The following SLC44A3 variants were observed in gnomAD, a reference collection of about 807,000 sequenced individuals.
SLC44A3 encodes the protein solute carrier family 44 member 3, also known as choline transporter-like protein 3.
A neutral mutation model predicts 75.4 loss-of-function variants in SLC44A3; 74 were observed. The ratio of observed to expected loss-of-function variants is 0.98; its 90% confidence interval spans 0.81 to 1.19. The LOEUF (loss-of-function observed/expected upper bound fraction) is 1.19. Among genes scored for constraint, SLC44A3 ranks in the 50% most tolerant of loss-of-function variants. The pLI, the probability that SLC44A3 is intolerant of heterozygous loss-of-function variation, is 0.00. For synonymous variants in SLC44A3, 310 were observed against 296.9 expected (o/e 1.04, Z -0.45); for missense variants, 700 against 778.6 (o/e 0.90, Z 1.20).
chr1:94,881,281 C>A (rs959241889), intron 12 of SLC44A3, among the ~76,000 whole-genome samples: 2 of 152,138 alleles, frequency 1.3e-5, no homozygotes, highest in African/African-American at 4.8e-5. Flanking sequence ...GGCACATGCA[C>A]CTGACTTGAA....
At chr1:94,867,873 T>C (rs1054095175) in intron 12 of SLC44A3, among the ~76,000 whole-genome samples, 6 of 152,140 alleles carry the variant, frequency 3.9e-5, no homozygotes, top group South Asian at 4.1e-4. Context: ...TAAAAGAAAG[T>C]TTTTCTCTTT....
chr1:94,860,055 A>C (rs1460950061), intron 10 of SLC44A3, among the ~76,000 whole-genome samples: 1 of 152,250 alleles, frequency 6.6e-6, no homozygotes, highest in African/African-American at 2.4e-5. Context: ...TTTACCAGTG[A>C]TTATTAAACA....
intron 9 of SLC44A3, among the ~76,000 whole-genome samples, chr1:94,847,912 G>T (rs1664625251): frequency 6.6e-6 from 1 of 152,142 alleles, no homozygotes. Context: ...TTGCATCTGG[G>T]ATCCAAAGCT....
intron 12 of SLC44A3, among the ~76,000 whole-genome samples, chr1:94,872,945 G>A (rs147155580): frequency 1.7e-4 from 26 of 152,212 alleles, no homozygotes; most frequent in Non-Finnish European, 3.1e-4. Flanking sequence ...GATGTTTCAT[G>A]TTGCCTCAAT....
At chr1:94,859,492 G>A (rs1666319590) in intron 10 of SLC44A3, among the ~76,000 whole-genome samples, 1 of 152,212 alleles carries the variant, frequency 6.6e-6, no homozygotes, top group African/African-American at 2.4e-5. Context: ...TTGGCTGCAT[G>A]AGGAGGACAA....
rs565987895 is a variant in SLC44A3, at chr1:94,872,010, C to A, written c.1482+4593C>A. ...AAACTGGGAAAAGAACACTTCGCTA[C>A]CACCAGTGTTGCCTTGAGTTGACTG... On this transcript the variant is annotated intron_variant, in intron 12 of 14. Transcript: ENST00000271227. Among the ~76,000 whole-genome samples the A allele has an allele frequency of 5.3e-5, 8 of 152,346 alleles. No individual in the cohort carries two copies. The East Asian group carries it at 1.3e-3, about 26-fold the overall frequency.
intron 5 of SLC44A3, among the ~76,000 whole-genome samples, chr1:94,830,585 G>C (rs1661992385): frequency 6.6e-6 from 1 of 151,996 alleles, no homozygotes; most frequent in East Asian, 1.9e-4. Context: ...AAAATGTAAG[G>C]TATCATAAAC....
intron 12 of SLC44A3, among the ~76,000 whole-genome samples, chr1:94,884,776 C>A (rs1480267311): frequency 6.6e-6 from 1 of 152,158 alleles, no homozygotes; most frequent in African/African-American, 2.4e-5. Context: ...AAAGGCTGAG[C>A]TGTGCTGGCT....
intron 9 of SLC44A3, among the ~76,000 whole-genome samples, chr1:94,855,662 A>G (rs1158877891): frequency 1.3e-5 from 2 of 152,216 alleles, no homozygotes; most frequent in African/African-American, 2.4e-5. Flanking sequence ...CTTACAATGT[A>G]ATTCTTGTTC....
chr1:94,828,811 C>G (rs1467659273), intron 5 of SLC44A3, among the ~76,000 whole-genome samples: 1 of 152,170 alleles, frequency 6.6e-6, no homozygotes, highest in Non-Finnish European at 1.5e-5. Flanking sequence ...GAAAACTCAG[C>G]AAGCAATAAA....
Position 94,845,298 on chromosome 1 carries a change from T to A in SLC44A3, c.906T>A (p.Ile302=). The A allele has an allele frequency of 1.2e-6, 2 of 1,611,600 alleles. No homozygotes were observed. Among genetic ancestry groups the A allele is most frequent in the Non-Finnish European group, 8.5e-7 (1 of 1,179,034 alleles). ...TGITAVLLVL[I]FVLRKRIKLT... ...ACCAGGCAGTGCTGCTCGTCTTGAT[T>A]TTTGTTCTCAGAAAGAGAATAAAAT... Residue 302 remains isoleucine, a synonymous_variant, in exon 9 of 15, where the codon ATT becomes ATA. Coordinates refer to ENST00000271227, the MANE Select transcript of SLC44A3 (RefSeq NM_001114106.3).
At chr1:94,863,639 T>C (rs1319087970) in intron 10 of SLC44A3, among the ~76,000 whole-genome samples, 2 of 152,236 alleles carry the variant, frequency 1.3e-5, no homozygotes, top group Non-Finnish European at 2.9e-5. Context: ...CTATTAGCAA[T>C]AGCTTCCGTG....
intron 9 of SLC44A3, among the ~76,000 whole-genome samples, chr1:94,849,018 A>G (rs1020300140): frequency 1.3e-5 from 2 of 152,138 alleles, no homozygotes; most frequent in Admixed American, 6.5e-5. Flanking sequence ...GCAAGCCCCA[A>G]GGCTGACTTG....
chr1:94,870,034 G>A (rs1667581948), intron 12 of SLC44A3, among the ~76,000 whole-genome samples: 1 of 152,224 alleles, frequency 6.6e-6, no homozygotes, highest in Non-Finnish European at 1.5e-5. Context: ...CTAAATCCTA[G>A]TAGGGAGGCA....
At chr1:94,882,127 A>G (rs1186203299) in intron 12 of SLC44A3, among the ~76,000 whole-genome samples, 1 of 152,210 alleles carries the variant, frequency 6.6e-6, no homozygotes, top group African/African-American at 2.4e-5. Context: ...TTTGGCATAC[A>G]CAGTCTAAGT....
intron 11 of SLC44A3, among the ~76,000 whole-genome samples, chr1:94,866,874 A>G (rs1029565664): frequency 1.3e-5 from 2 of 152,202 alleles, no homozygotes; most frequent in African/African-American, 4.8e-5. Context: ...TATTTCCTCC[A>G]GAGTTAAACT....
At chr1:94,867,181 A>T (rs769074697) in intron 11 of SLC44A3, 150 bp from the exon 12 acceptor site, 3 of 480,866 alleles carry the variant, frequency 6.2e-6, no homozygotes, top group Non-Finnish European at 1.1e-5. Context: ...CATAATTAGT[A>T]GTAGTAGTAT....
At chr1:94,883,526 G>A (rs547553787) in intron 12 of SLC44A3, among the ~76,000 whole-genome samples, 47 of 152,188 alleles carry the variant, frequency 3.1e-4, no homozygotes, top group African/African-American at 1.1e-3. Context: ...AACAAACAAA[G>A]ACAACTTAGA....
At chr1:94,839,820 A>G in intron 6 of SLC44A3, 128 bp from the exon 7 acceptor site, 1 of 720,470 alleles carries the variant, frequency 1.4e-6, no homozygotes, top group South Asian at 1.6e-5. Flanking sequence ...AGATATCCCA[A>G]GATATTTAGA....
Sources: gnomAD v4.1 joint callset for allele counts (sites outside exome capture counted in the v4.1 genomes callset) on GRCh38, gnomAD v4.1.1 for gene constraint, MANE v1.5 for transcripts, NCBI Gene and HGNC (gene_info 2026-07-23, HGNC 2026-07-21) for gene names.